PPARGC1A: variants seen among roughly 807,000 people sequenced by gnomAD.
The protein encoded by PPARGC1A is PPARG coactivator 1 alpha, also known as peroxisome proliferator-activated receptor gamma coactivator 1-alpha.
In PPARGC1A, 25 loss-of-function variants were observed where a neutral mutation model predicts 88.7. The ratio of observed to expected loss-of-function variants is 0.28; its 90% CI spans 0.21 to 0.39. PPARGC1A has a LOEUF of 0.39. Among genes scored for constraint, PPARGC1A ranks in the 10% least tolerant of loss-of-function variants. The pLI, the probability that PPARGC1A is intolerant of heterozygous loss-of-function variation, is 1.00. For missense variants in PPARGC1A, 880 were observed against 968.7 expected, an observed-to-expected ratio of 0.91 and a Z score of 1.22; for synonymous variants, 363 against 355.6, an observed-to-expected ratio of 1.02 and a Z score of -0.24.
chr4:23,971,072 C>T, the PPARGC1A span, among the ~76,000 whole-genome samples: 22 of 152,132 alleles, frequency 1.4e-4, no homozygotes, highest in Admixed American at 3.3e-4. Flanking sequence ...GAGGGCTCCA[C>T]GCTCCAATTT....
intron 2 of PPARGC1A, among the ~76,000 whole-genome samples, chr4:23,867,546 A>G (rs1297550799): frequency 1.3e-5 from 2 of 152,238 alleles, no homozygotes; most frequent in African/African-American, 4.8e-5. Flanking sequence ...CTAAAATAGC[A>G]GTGATGTCCA....
At chr4:24,345,207 C>A in the PPARGC1A span, among the ~76,000 whole-genome samples, 1 of 151,622 alleles carries the variant, frequency 6.6e-6, no homozygotes. Flanking sequence ...CAGATTTGTT[C>A]TTTTTGCTTA....
chr4:23,831,583 G>A lies in PPARGC1A; in HGVS notation c.403C>T (p.Pro135Ser). 6.2e-7 allele frequency: 1 copy of A among 1,614,070 alleles called. No homozygotes were observed. The highest frequency in any genetic ancestry group is 2.2e-5 in the East Asian group (1 of 44,872). ...AGAGACGGCTCTTCTGCCTCCTGGG[G>A]TGGAGGGGTGCCGTCAGGCATGGAG... Reference protein sequence around the residue: ...PSSMPDGTPPPQEAEEPSLLK... With the variant: ...PSSMPDGTPPSQEAEEPSLLK... The change falls in exon 3 of 13, where the codon CCC becomes TCC. Residue 135 changes from proline to serine, a missense_variant. By Grantham distance (74) the Pro-to-Ser change is moderately conservative. Transcript: ENST00000264867.
chr4:24,180,055 G>A, the PPARGC1A span, among the ~76,000 whole-genome samples: 1 of 152,040 alleles, frequency 6.6e-6, no homozygotes, highest in Admixed American at 6.6e-5. Flanking sequence ...ACTTCTTCCT[G>A]CAATGAATGA....
upstream of PPARGC1A, among the ~76,000 whole-genome samples, chr4:23,904,313 C>T (rs1465938562): frequency 2.0e-5 from 3 of 152,176 alleles, no homozygotes; most frequent in African/African-American, 7.2e-5. Context: ...AGGTGGTTCC[C>T]TTTCCAACCC....
intron 2 of PPARGC1A, among the ~76,000 whole-genome samples, chr4:23,847,550 A>G (rs1728533849): frequency 6.6e-6 from 1 of 152,236 alleles, no homozygotes; most frequent in African/African-American, 2.4e-5. Flanking sequence ...AAAGAATCAC[A>G]GATCACATTA....
chr4:24,334,547 A>G, the PPARGC1A span, among the ~76,000 whole-genome samples: 2 of 152,322 alleles, frequency 1.3e-5, no homozygotes, highest in East Asian at 1.9e-4. Flanking sequence ...TTTTATTTGC[A>G]TGGGAAATTT....
chr4:24,067,635 A>G, the PPARGC1A span, among the ~76,000 whole-genome samples: 4,248 of 152,278 alleles, frequency 0.028, 190 homozygotes, highest in African/African-American at 0.095. Flanking sequence ...GGGAAAGCCT[A>G]GGGAATTAGA....
chr4:24,035,294 C>T, the PPARGC1A span, among the ~76,000 whole-genome samples: 1 of 152,024 alleles, frequency 6.6e-6, no homozygotes, highest in Non-Finnish European at 1.5e-5. Flanking sequence ...AATCCCAGCA[C>T]TTTGGGAGGC....
chr4:24,356,141 G>A, the PPARGC1A span, among the ~76,000 whole-genome samples: 2 of 150,882 alleles, frequency 1.3e-5, no homozygotes, highest in African/African-American at 4.9e-5. Context: ...AGGTTGCAGT[G>A]AGCTGAGATC....
the PPARGC1A span, among the ~76,000 whole-genome samples, chr4:24,355,740 C>T: frequency 6.6e-6 from 1 of 151,996 alleles, no homozygotes; most frequent in Admixed American, 6.6e-5. Context: ...CGCCGAGAGA[C>T]AAGCGACACA....
At chr4:24,016,600 T>C in the PPARGC1A span, among the ~76,000 whole-genome samples, 2 of 152,128 alleles carry the variant, frequency 1.3e-5, no homozygotes, top group African/African-American at 4.8e-5. Context: ...AATTGAGACA[T>C]GATACCATGA....
the PPARGC1A span, among the ~76,000 whole-genome samples, chr4:24,259,854 A>G: frequency 0.015 from 2,334 of 152,196 alleles, 63 homozygotes; most frequent in African/African-American, 0.053. Context: ...TTTCCACCCA[A>G]AGGAAAAAAT....
chr4:24,177,481 G>C, the PPARGC1A span, among the ~76,000 whole-genome samples: 5 of 151,962 alleles, frequency 3.3e-5, no homozygotes, highest in African/African-American at 1.2e-4. Context: ...TGGGGGGAAG[G>C]GGGAGGGATA....
the PPARGC1A span, among the ~76,000 whole-genome samples, chr4:24,088,518 T>C: frequency 2.6e-5 from 4 of 152,268 alleles, 1 homozygote; most frequent in South Asian, 4.1e-4. Context: ...CATATCCCCA[T>C]TGTGACTATG....
the PPARGC1A span, among the ~76,000 whole-genome samples, chr4:24,165,046 A>T: frequency 6.6e-6 from 1 of 152,206 alleles, no homozygotes; most frequent in African/African-American, 2.4e-5. Flanking sequence ...TGGTCAATGT[A>T]TGACCTATCT....
intron 2 of PPARGC1A, chr4:23,877,924 C>A (rs1715135643): frequency 6.6e-6 from 1 of 152,242 alleles, no homozygotes; most frequent in Non-Finnish European, 1.5e-5. Context: ...AAGGTCTCCA[C>A]ACAGACACAT....
the PPARGC1A span, among the ~76,000 whole-genome samples, chr4:24,029,131 A>T: frequency 6.6e-6 from 1 of 152,302 alleles, no homozygotes; most frequent in Non-Finnish European, 1.5e-5. Context: ...AAATTCAAGC[A>T]GCATCAAGAT....
intron 10 of PPARGC1A, 51 bp downstream of exon 10, chr4:23,812,696 G>A (rs924918317): frequency 3.6e-5 from 57 of 1,604,132 alleles, no homozygotes; most frequent in Middle Eastern, 1.7e-4. Flanking sequence ...AAAGCACACA[G>A]AAAAAGAAGA....
Sources: allele counts gnomAD v4.1 joint callset (sites outside exome capture counted in the v4.1 genomes callset), GRCh38; gene constraint gnomAD v4.1.1; transcripts MANE v1.5; gene names NCBI Gene and HGNC (gene_info 2026-07-23, HGNC 2026-07-21).